Variants in RORA observed in about 807,000 individuals in gnomAD.
RORA encodes the protein RAR related orphan receptor A, also known as nuclear receptor ROR-alpha.
Under a neutral mutation model 69.5 loss-of-function variants are expected in RORA, and 7 were observed. The ratio of observed to expected loss-of-function variants is 0.10; its 90% CI spans 0.06 to 0.19. RORA has a LOEUF of 0.19. Ranked by LOEUF, RORA falls within the 10% of genes least tolerant of loss-of-function variation. The probability of loss-of-function intolerance (pLI) is 1.00; values close to 1 mark genes in which losing one functional copy is unlikely to be tolerated. For missense variants in RORA, 457 were observed against 663.0 expected, an observed-to-expected ratio of 0.69 and a Z score of 3.41; for synonymous variants, 261 against 240.8, an observed-to-expected ratio of 1.08 and a Z score of -0.78.
intron 1 of RORA, among the ~76,000 whole-genome samples, chr15:61,066,241 A>T (rs1473018685): frequency 6.6e-6 from 1 of 152,140 alleles, no homozygotes; most frequent in Non-Finnish European, 1.5e-5. Flanking sequence ...GGAACCAGAA[A>T]GGAACATGAC....
intron 1 of RORA, among the ~76,000 whole-genome samples, chr15:60,684,911 C>T (rs1195600303): frequency 2.0e-5 from 1 of 50,308 alleles, no homozygotes; most frequent in South Asian, 5.8e-4. Flanking sequence ...AAGCTATGAG[C>T]GCTTGGGCAA....
chr15:60,581,130 A>C (rs1021564160), intron 2 of RORA, among the ~76,000 whole-genome samples: 1 of 152,218 alleles, frequency 6.6e-6, no homozygotes, highest in African/African-American at 2.4e-5. Context: ...CATTCTGAAA[A>C]CACTCGATCC....
At chr15:60,546,990 A>G (rs1333162991) in intron 2 of RORA, among the ~76,000 whole-genome samples, 2 of 152,152 alleles carry the variant, frequency 1.3e-5, no homozygotes, top group Non-Finnish European at 2.9e-5. Context: ...TTCTGACACA[A>G]CCAAAGATGT....
At chr15:61,177,519 A>G (rs969093011) in intron 1 of RORA, among the ~76,000 whole-genome samples, 1 of 152,228 alleles carries the variant, frequency 6.6e-6, no homozygotes, top group Non-Finnish European at 1.5e-5. Context: ...TACGGCTGTC[A>G]GCACCAGGGC....
At chr15:60,969,319 T>C (rs1893643048) in intron 1 of RORA, among the ~76,000 whole-genome samples, 1 of 152,258 alleles carries the variant, frequency 6.6e-6, no homozygotes, top group South Asian at 2.1e-4. Flanking sequence ...CAGGAAATCA[T>C]GGTTTCCTAT....
intron 1 of RORA, among the ~76,000 whole-genome samples, chr15:61,098,622 T>G (rs2078833188): frequency 6.6e-6 from 1 of 152,094 alleles, no homozygotes; most frequent in South Asian, 2.1e-4. Context: ...GGGTTAAAGG[T>G]GTGCACACCC....
intron 1 of RORA, among the ~76,000 whole-genome samples, chr15:61,227,292 G>C (rs964097957): frequency 6.7e-6 from 1 of 149,764 alleles, no homozygotes; most frequent in Non-Finnish European, 1.5e-5. Context: ...TAACCCGCTC[G>C]CATTCCAAAT....
chr15:61,045,390 G>A (rs1896970742), intron 1 of RORA, among the ~76,000 whole-genome samples: 1 of 152,208 alleles, frequency 6.6e-6, no homozygotes, highest in Admixed American at 6.5e-5. Context: ...ACAGCACTCA[G>A]TCTCGGGAAT....
At chr15:61,037,589 A>G (rs809736) in intron 1 of RORA, among the ~76,000 whole-genome samples, 29,805 of 152,198 alleles carry the variant, frequency 0.2, 3,280 homozygotes, top group Middle Eastern at 0.26. Flanking sequence ...ACACCAGTCT[A>G]GGAAGAGATG....
chr15:61,169,971 A>G (rs1163643165), intron 1 of RORA, among the ~76,000 whole-genome samples: 2 of 152,126 alleles, frequency 1.3e-5, no homozygotes, highest in African/African-American at 4.8e-5. Flanking sequence ...TCCCAGAGGC[A>G]CCGTGTCCAT....
At chr15:60,561,072 T>TC in intron 2 of RORA, among the ~76,000 whole-genome samples, 3 of 125,164 alleles carry the variant, frequency 2.4e-5, no homozygotes, top group African/African-American at 1.4e-4. Flanking sequence ...TTTTTTTTTG[T>TC]TTTGTTTTTG....
At chr15:60,625,160 A>G (rs1346357973) in intron 2 of RORA, among the ~76,000 whole-genome samples, 1 of 152,236 alleles carries the variant, frequency 6.6e-6, no homozygotes, top group Admixed American at 6.5e-5. Flanking sequence ...GTGGGTGTGC[A>G]TGTACTTAAG....
At position 60,987,303 on chromosome 15, in the gene RORA, A is replaced by G. The variant is rs59207510; in HGVS notation, c.166+241750T>C. Among the ~76,000 whole-genome samples the G allele has an allele frequency of 6.1e-3, 926 of 152,186 alleles. 25 individuals are homozygous for G. The South Asian group carries it at 0.064, about 11-fold the overall frequency. ...TCTTTCCTGGAGGACGGTCTGTCTA[A>G]TCATAATTATCCAAGACAGACTCCA... On this transcript the variant is annotated intron_variant, in intron 1 of 10. Coordinates refer to ENST00000335670, the MANE Select transcript of RORA (RefSeq NM_134261.3).
chr15:60,573,615 G>A (rs1303845761), intron 2 of RORA, among the ~76,000 whole-genome samples: 6 of 152,108 alleles, frequency 3.9e-5, no homozygotes, highest in East Asian at 1.9e-4. Context: ...AGACCCCACC[G>A]GTCTCCTCTA....
chr15:60,574,060 C>T (rs539128357), intron 2 of RORA, among the ~76,000 whole-genome samples: 3 of 152,294 alleles, frequency 2.0e-5, no homozygotes, highest in African/African-American at 4.8e-5. Context: ...GACCTAATCT[C>T]GGAATCTGGA....
intron 2 of RORA, among the ~76,000 whole-genome samples, chr15:60,602,812 CT>C (rs2068849986): frequency 6.6e-6 from 1 of 152,132 alleles, no homozygotes; most frequent in Non-Finnish European, 1.5e-5. Flanking sequence ...AAAACTCACC[CT>C]TTTTAGGATA....
At position 61,150,586 on chromosome 15, in the gene RORA, C is replaced by T. The variant is rs987818577; in HGVS notation, c.166+78467G>A. 2.9e-4 allele frequency among the ~76,000 whole-genome samples: 44 copies of T among 152,256 alleles called. 1 individual carries two copies. The highest frequency in any genetic ancestry group is 1.0e-3 in the African/African-American group (43 of 41,548). On this transcript the variant is annotated intron_variant, in intron 1 of 10. Coordinates refer to ENST00000335670, the MANE Select transcript of RORA (RefSeq NM_134261.3). The stretch of plus-strand genomic sequence containing the variant: ...TCCTAGACCAAAATATACAAAAAGG[C>T]TCTTGCTTATATTTTTAAACTTCAT...
intron 1 of RORA, among the ~76,000 whole-genome samples, chr15:61,063,665 G>C (rs766142793): frequency 6.6e-6 from 1 of 152,222 alleles, no homozygotes; most frequent in African/African-American, 2.4e-5. Context: ...TTGAAATGGA[G>C]ATATCTGCCT....
chr15:61,079,652 G>A (rs2078508838), intron 1 of RORA, among the ~76,000 whole-genome samples: 1 of 152,176 alleles, frequency 6.6e-6, no homozygotes, highest in African/African-American at 2.4e-5. Flanking sequence ...GGAAAAAAAG[G>A]ACAGAGATAG....
Sources: gnomAD v4.1 joint callset for allele counts (sites outside exome capture counted in the v4.1 genomes callset) on GRCh38, gnomAD v4.1.1 for gene constraint, MANE v1.5 for transcripts, NCBI Gene and HGNC (gene_info 2026-07-23, HGNC 2026-07-21) for gene names.